PREX2: variants seen among roughly 807,000 people sequenced by gnomAD.
PREX2 encodes phosphatidylinositol-3,4,5-trisphosphate dependent Rac exchange factor 2.
PREX2 carries 107 observed loss-of-function variants against 203.2 expected under a neutral mutation model. The observed-to-expected ratio is 0.53, with a 90% CI of 0.45 to 0.62. The LOEUF is 0.62. PREX2 is among the 20% of genes least tolerant of loss of function. The pLI is 0.00. For synonymous variants in PREX2, 672 were observed against 663.6 expected (o/e 1.01, Z -0.19); for missense variants, 1,777 against 1,955.9 (o/e 0.91, Z 1.72).
At chr8:68,038,062 TTAAAA>T in intron 6 of PREX2, 92 bp from the exon 7 acceptor site, 1 of 1,364,912 alleles carries the variant, frequency 7.3e-7, no homozygotes, top group Non-Finnish European at 1.0e-6. Flanking sequence ...AGCTTGCTTC[TTAAAA>T]TAAAAACAAC....
intron 23 of PREX2, among the ~76,000 whole-genome samples, chr8:68,107,226 GGAA>G (rs1489556340): frequency 2.0e-5 from 3 of 152,118 alleles, no homozygotes; most frequent in African/African-American, 4.8e-5. Context: ...CGGCAATGAA[GGAA>G]GAAGAACATT....
rs1361557999 is a variant in PREX2 at position 68,011,489 on chromosome 8, A to G, written c.142-6357A>G. On this transcript the variant is annotated intron_variant, in intron 1 of 39. Transcript: ENST00000288368. ...GGCAATTAACATTCAGCTTTGGTGT[A>G]CATGATGATAGGGAGTAGTGGTGAC... Among the ~76,000 whole-genome samples, 3 of 152,166 alleles carry G rather than the reference A, an allele frequency of 2.0e-5. No individual in the cohort carries two copies. The East Asian group carries it at 5.8e-4, about 29-fold the overall frequency.
intron 1 of PREX2, among the ~76,000 whole-genome samples, chr8:67,978,431 G>A (rs1806171559): frequency 6.6e-6 from 1 of 152,104 alleles, no homozygotes; most frequent in African/African-American, 2.4e-5. Context: ...AGATTGTTTT[G>A]TCTGGTTTTA....
chr8:68,174,348 C>T (rs998072127), intron 35 of PREX2, among the ~76,000 whole-genome samples: 3 of 152,076 alleles, frequency 2.0e-5, no homozygotes, highest in African/African-American at 7.2e-5. Flanking sequence ...AAATTAGCTG[C>T]CTGGTTAAAT....
At chr8:67,963,528 TTGTC>T (rs896593435) in intron 1 of PREX2, among the ~76,000 whole-genome samples, 1 of 152,204 alleles carries the variant, frequency 6.6e-6, no homozygotes, top group African/African-American at 2.4e-5. Context: ...TTTTCTGTCT[TTGTC>T]TAATATTTTT....
intron 10 of PREX2, among the ~76,000 whole-genome samples, chr8:68,056,842 C>G (rs990409262): frequency 5.3e-4 from 80 of 152,136 alleles, no homozygotes; most frequent in African/African-American, 1.8e-3. Context: ...CTATTCACTT[C>G]CTAGTAGTAC....
intron 33 of PREX2, among the ~76,000 whole-genome samples, chr8:68,141,866 A>G (rs1444463143): frequency 6.6e-6 from 1 of 152,212 alleles, no homozygotes; most frequent in South Asian, 2.1e-4. Context: ...TAAATATTAT[A>G]TAGTCCTAAT....
chr8:68,225,368 C>T (rs1051739614), intron 39 of PREX2, among the ~76,000 whole-genome samples: 12 of 152,118 alleles, frequency 7.9e-5, no homozygotes, highest in Non-Finnish European at 1.8e-4. Context: ...AAATAATAGC[C>T]ATCAGAGAAA....
chr8:68,076,471 TTAA>T (rs1809352658), intron 14 of PREX2, among the ~76,000 whole-genome samples: 1 of 151,482 alleles, frequency 6.6e-6, no homozygotes, highest in Non-Finnish European at 1.5e-5. Context: ...AAAAAATAGC[TTAA>T]TTGTTAGAAA....
At chr8:68,192,269 A>G (rs890457021) in intron 36 of PREX2, 66 bp from the exon 37 acceptor site, 4 of 1,280,074 alleles carry the variant, frequency 3.1e-6, no homozygotes, top group Non-Finnish European at 4.3e-6. Flanking sequence ...TAACAGCTAT[A>G]CCAACCTATC....
chr8:68,076,685 T>TCACACACACACA (rs57701553), intron 14 of PREX2, among the ~76,000 whole-genome samples: 2,756 of 143,686 alleles, frequency 0.019, 38 homozygotes, highest in Admixed American at 0.052. Flanking sequence ...AACTCTAAGG[T>TCACACACACACA]CACACACACA....
intron 35 of PREX2, among the ~76,000 whole-genome samples, chr8:68,179,559 G>T (rs1367744058): frequency 6.6e-6 from 1 of 152,112 alleles, no homozygotes; most frequent in East Asian, 1.9e-4. Flanking sequence ...AGTGTTAGCA[G>T]TTTCTGTTTT....
At chr8:68,182,825 C>T (rs1184218708) in intron 35 of PREX2, among the ~76,000 whole-genome samples, 1 of 151,668 alleles carries the variant, frequency 6.6e-6, no homozygotes, top group Non-Finnish European at 1.5e-5. Context: ...ATGAGTGCAA[C>T]TCAGTATAAT....
At chr8:68,041,975 T>G (rs1808213553) in intron 7 of PREX2, among the ~76,000 whole-genome samples, 1 of 152,052 alleles carries the variant, frequency 6.6e-6, no homozygotes, top group Non-Finnish European at 1.5e-5. Flanking sequence ...AATGAATGTA[T>G]TATGTGGATC....
intron 34 of PREX2, among the ~76,000 whole-genome samples, chr8:68,149,068 C>A (rs552803080): frequency 6.6e-6 from 1 of 151,992 alleles, no homozygotes; most frequent in South Asian, 2.1e-4. Flanking sequence ...TCTTTGCTAG[C>A]AAAAAAATAG....
intron 31 of PREX2, among the ~76,000 whole-genome samples, chr8:68,130,151 G>A (rs923403741): frequency 2.9e-4 from 44 of 150,392 alleles, no homozygotes; most frequent in African/African-American, 1.1e-3. Flanking sequence ...TTAGCCAGAT[G>A]TGATGGCACA....
intron 32 of PREX2, among the ~76,000 whole-genome samples, chr8:68,136,283 GAAACCCTT>G (rs1216908908): frequency 6.6e-6 from 1 of 152,042 alleles, no homozygotes. Context: ...CTGGTCTTGT[GAAACCCTT>G]AAATTTATTT....
chr8:68,097,090 T>C lies in PREX2; in HGVS notation c.2442T>C (p.Asn814=), dbSNP rs774491414. The change falls in exon 22 of 40, where the codon AAT becomes AAC. Residue 814 remains asparagine (N), a synonymous_variant. Coordinates refer to ENST00000288368, the MANE Select transcript of PREX2 (RefSeq NM_024870.4). ...KKEHVSLTVD[N]VHLEYGVVYE... is the part of the protein sequence containing the mutation. ...AGCATGTGAGTCTGACAGTGGACAA[T>C]GTCCACCTGGAATATGGTGTCGTGT... 50 of 1,613,992 alleles carry C rather than the reference T, an allele frequency of 3.1e-5. 1 individual carries two copies. In the South Asian group the frequency reaches 5.5e-4, roughly 18 times the overall value.
At chr8:67,962,520 G>A (rs1359318956) in intron 1 of PREX2, among the ~76,000 whole-genome samples, 1 of 151,192 alleles carries the variant, frequency 6.6e-6, no homozygotes, top group Non-Finnish European at 1.5e-5. Flanking sequence ...GGATGAAGGG[G>A]GCTTTCATTT....
Sources: gnomAD v4.1 joint callset for allele counts (sites outside exome capture counted in the v4.1 genomes callset) on GRCh38, gnomAD v4.1.1 for gene constraint, MANE v1.5 for transcripts, NCBI Gene and HGNC (gene_info 2026-07-23, HGNC 2026-07-21) for gene names.